Variants in COL23A1 observed in about 807,000 individuals in gnomAD.
COL23A1 encodes collagen type XXIII alpha 1 chain, also known as collagen alpha-1(XXIII) chain.
A neutral mutation model predicts 99.3 loss-of-function variants in COL23A1; 97 were observed. The observed-to-expected ratio is 0.98, with a 90% confidence interval of 0.83 to 1.16. COL23A1 has a LOEUF of 1.16. Among genes scored for constraint, COL23A1 ranks in the 50% most tolerant of loss-of-function variants. COL23A1 has a pLI of 0.00. For synonymous variants in COL23A1, 320 were observed against 308.2 expected, an observed-to-expected ratio of 1.04 and a Z score of -0.40; for missense variants, 762 against 757.4, an observed-to-expected ratio of 1.01 and a Z score of -0.07.
intron 2 of COL23A1, among the ~76,000 whole-genome samples, chr5:178,348,649 G>C (rs1470331510): frequency 6.6e-6 from 1 of 152,194 alleles, no homozygotes; most frequent in Non-Finnish European, 1.5e-5. Context: ...AGAGCATTCT[G>C]CCTCAGGAGG....
chr5:178,322,151 C>T (rs1032851053), intron 2 of COL23A1, among the ~76,000 whole-genome samples: 2 of 152,070 alleles, frequency 1.3e-5, no homozygotes, highest in Non-Finnish European at 2.9e-5. Context: ...CGCCAGCACG[C>T]CCAGTTAATT....
intron 3 of COL23A1, among the ~76,000 whole-genome samples, chr5:178,304,496 C>T (rs1201595806): frequency 2.6e-5 from 3 of 114,708 alleles, no homozygotes; most frequent in Admixed American, 1.2e-4. Flanking sequence ...AGTGACAGAG[C>T]GACTGTCTCA....
intron 2 of COL23A1, among the ~76,000 whole-genome samples, chr5:178,454,231 G>A (rs1012321751): frequency 4.6e-5 from 7 of 150,610 alleles, no homozygotes; most frequent in African/African-American, 9.7e-5. Flanking sequence ...AAAGCCAGGC[G>A]ATGTTTGAGA....
chr5:178,322,949 G>A (rs915797780), intron 2 of COL23A1, among the ~76,000 whole-genome samples: 9 of 152,236 alleles, frequency 5.9e-5, no homozygotes, highest in Non-Finnish European at 1.2e-4. Context: ...CAGCTCAGGG[G>A]TGCTCATGCC....
intron 2 of COL23A1, among the ~76,000 whole-genome samples, chr5:178,372,513 G>A (rs1366463651): frequency 1.3e-5 from 2 of 152,186 alleles, no homozygotes; most frequent in Admixed American, 6.5e-5. Context: ...CCTGGGGGGC[G>A]GGGGCTGCGG....
chr5:178,389,822 C>A (rs369604050), intron 2 of COL23A1, among the ~76,000 whole-genome samples: 1 of 152,158 alleles, frequency 6.6e-6, no homozygotes, highest in African/African-American at 2.4e-5. Context: ...TGACTGCTTG[C>A]GTGACGGGTG....
chr5:178,520,759 T>C (rs1759895010), intron 2 of COL23A1, among the ~76,000 whole-genome samples: 1 of 152,208 alleles, frequency 6.6e-6, no homozygotes, highest in South Asian at 2.1e-4. Context: ...GAGGATTCAA[T>C]GAGATAACAC....
intron 2 of COL23A1, among the ~76,000 whole-genome samples, chr5:178,355,618 C>T (rs763430101): frequency 1.3e-5 from 2 of 152,016 alleles, no homozygotes; most frequent in Admixed American, 6.6e-5. Context: ...CTGCAACCGC[C>T]GCCTCCTGGG....
rs2127813113 is a variant in COL23A1 at position 178,428,858 on chromosome 5, G to A, written c.362-121939C>T. ...CAAGCAACTCTGCCCCTGGAGTGGT[G>A]CCTCGTGGGGGTGGGGGCAGGGCTG... On this transcript the variant is annotated intron_variant, in intron 2 of 28. Coordinates refer to ENST00000390654, the MANE Select transcript of COL23A1 (RefSeq NM_173465.4). The surrounding 1 kb of genome is among the most constrained non-coding windows in gnomAD (Gnocchi z 5.0). 6.6e-6 allele frequency among the ~76,000 whole-genome samples: 1 copy of A among 152,294 alleles called. No individual in the cohort carries two copies. Among genetic ancestry groups the A allele is most frequent in the East Asian group, 1.9e-4 (1 of 5,178 alleles).
At chr5:178,494,347 C>T (rs1758085724) in intron 2 of COL23A1, among the ~76,000 whole-genome samples, 1 of 152,176 alleles carries the variant, frequency 6.6e-6, no homozygotes, top group South Asian at 2.1e-4. Context: ...CCAATAGCAG[C>T]AGGTCACATG....
chr5:178,344,823 G>C (rs2913799), intron 2 of COL23A1: 127,162 of 657,010 alleles, frequency 0.19, 13,730 homozygotes, highest in Admixed American at 0.22. Context: ...TGTAGCTCAG[G>C]CCCATGGATC....
intron 2 of COL23A1, among the ~76,000 whole-genome samples, chr5:178,453,403 C>A (rs1163127264): frequency 6.6e-6 from 1 of 152,208 alleles, no homozygotes; most frequent in Non-Finnish European, 1.5e-5. Flanking sequence ...CTTCTTGTCT[C>A]ACTAGCCACT....
At chr5:178,420,823 A>G (rs1334761569) in intron 2 of COL23A1, among the ~76,000 whole-genome samples, 1 of 150,874 alleles carries the variant, frequency 6.6e-6, no homozygotes. Context: ...GGTGGTCTTC[A>G]TGCCCATCCT....
chr5:178,421,315 T>G (rs963453260), intron 2 of COL23A1, among the ~76,000 whole-genome samples: 10 of 152,196 alleles, frequency 6.6e-5, no homozygotes, highest in African/African-American at 2.4e-4. Context: ...AACCTGGATT[T>G]CCAACCAGAA....
At chr5:178,587,543 G>A (rs1764064273) in intron 1 of COL23A1, among the ~76,000 whole-genome samples, 1 of 152,086 alleles carries the variant, frequency 6.6e-6, no homozygotes, top group Non-Finnish European at 1.5e-5. Flanking sequence ...TGGTTCTCTG[G>A]AAACAAGTTT....
At chr5:178,555,315 C>T (rs1043237443) in intron 2 of COL23A1, among the ~76,000 whole-genome samples, 2 of 152,154 alleles carry the variant, frequency 1.3e-5, no homozygotes, top group Non-Finnish European at 2.9e-5. Flanking sequence ...TGGGAGGACA[C>T]AGTTCAACCC....
At position 178,239,069 on chromosome 5, in the gene COL23A1, C is replaced by T. The variant is rs1764254548; in HGVS notation, c.1620+72G>A. The T allele has an allele frequency of 7.8e-6, 12 of 1,544,450 alleles. No individual in the cohort carries two copies. In the East Asian group the frequency reaches 2.7e-4, roughly 35 times the overall value. On this transcript the variant is annotated intron_variant, in intron 28 of 28. Coordinates refer to ENST00000390654, the MANE Select transcript of COL23A1 (RefSeq NM_173465.4). ...AGGTTTGAGTGACAGCACCCAGGCTCTGGGGCCCTCCCATTCCCCCACCCT... is the reference window on the plus strand; with the variant it reads ...AGGTTTGAGTGACAGCACCCAGGCTTTGGGGCCCTCCCATTCCCCCACCCT...
intron 2 of COL23A1, among the ~76,000 whole-genome samples, chr5:178,459,963 C>T (rs1373018165): frequency 1.3e-5 from 2 of 152,096 alleles, no homozygotes; most frequent in African/African-American, 4.8e-5. Flanking sequence ...TTAATAACAA[C>T]TGTTATCTCT....
At chr5:178,356,571 AAGAG>A (rs1334492899) in intron 2 of COL23A1, among the ~76,000 whole-genome samples, 4 of 152,140 alleles carry the variant, frequency 2.6e-5, no homozygotes, top group Admixed American at 6.5e-5. Flanking sequence ...TCTTCCCAGA[AAGAG>A]AAAGGCAGGG....
Sources: gnomAD v4.1 joint callset for allele counts (sites outside exome capture counted in the v4.1 genomes callset) on GRCh38, gnomAD v4.1.1 for gene constraint, Gnocchi (gnomAD v3.1) non-coding constraint, MANE v1.5 for transcripts, NCBI Gene and HGNC (gene_info 2026-07-23, HGNC 2026-07-21) for gene names.